Variants in METTL15 observed in about 807,000 individuals in gnomAD.
The protein encoded by METTL15 is 12S rRNA N(4)-cytidine methyltransferase METTL15.
A neutral mutation model predicts 38.3 loss-of-function variants in METTL15; 34 were observed. The ratio of observed to expected loss-of-function variants is 0.89; its 90% CI spans 0.68 to 1.18. METTL15 has a LOEUF of 1.18. METTL15 is among the 50% of genes most tolerant of loss of function. METTL15 has a pLI of 0.00. For synonymous variants in METTL15, 162 were observed against 170.9 expected, an observed-to-expected ratio of 0.95 and a Z score of 0.41; for missense variants, 438 against 498.4, an observed-to-expected ratio of 0.88 and a Z score of 1.15.
chr11:28,426,259 C>G (rs1025023929), intron 6 of METTL15, among the ~76,000 whole-genome samples: 2 of 152,188 alleles, frequency 1.3e-5, no homozygotes, highest in Non-Finnish European at 2.9e-5. Context: ...CCATCCATGT[C>G]CCTGCAAAGG....
intron 6 of METTL15, among the ~76,000 whole-genome samples, chr11:28,449,641 A>G (rs1438801614): frequency 3.3e-5 from 5 of 152,096 alleles, no homozygotes; most frequent in Non-Finnish European, 5.9e-5. Flanking sequence ...GTCACAGGCT[A>G]GCTAGCCTGT....
At chr11:28,162,177 T>A (rs539623131) in intron 3 of METTL15, among the ~76,000 whole-genome samples, 1 of 151,404 alleles carries the variant, frequency 6.6e-6, no homozygotes, top group East Asian at 1.9e-4. Context: ...AGTAGTAGAG[T>A]TTGGATAGAG....
intron 3 of METTL15, chr11:28,163,679 ACCC>A: frequency 2.6e-6 from 1 of 384,720 alleles, no homozygotes; most frequent in Non-Finnish European, 4.6e-6. Context: ...AATGGCTTAT[ACCC>A]TGAGAACTTA....
At chr11:28,154,894 A>C (rs1239952408) in intron 3 of METTL15, among the ~76,000 whole-genome samples, 2 of 152,152 alleles carry the variant, frequency 1.3e-5, no homozygotes, top group Non-Finnish European at 2.9e-5. Context: ...TCTCAGTATA[A>C]GATGATTTTA....
At chr11:28,480,897 C>T (rs929834870) in intron 6 of METTL15, among the ~76,000 whole-genome samples, 3 of 152,172 alleles carry the variant, frequency 2.0e-5, no homozygotes, top group South Asian at 2.1e-4. Context: ...ATCTTGGCTC[C>T]TGAGGAGATC....
intron 3 of METTL15, among the ~76,000 whole-genome samples, chr11:28,344,655 G>T (rs1849982036): frequency 6.6e-6 from 1 of 152,158 alleles, no homozygotes; most frequent in Admixed American, 6.5e-5. Context: ...CTGTCTAAGA[G>T]AATCTCAATT....
chr11:28,368,685 A>G (rs541143663), intron 5 of METTL15, among the ~76,000 whole-genome samples: 3 of 152,324 alleles, frequency 2.0e-5, no homozygotes, highest in South Asian at 4.1e-4. Flanking sequence ...TCATTCTACT[A>G]TAAAGATGCA....
chr11:28,427,401 T>C (rs890476710), intron 6 of METTL15, among the ~76,000 whole-genome samples: 20 of 152,188 alleles, frequency 1.3e-4, no homozygotes, highest in African/African-American at 4.8e-4. Flanking sequence ...TGTTTAGGAT[T>C]GTCTTGGCTC....
intron 3 of METTL15, among the ~76,000 whole-genome samples, chr11:28,209,290 G>A (rs1047191111): frequency 6.6e-6 from 1 of 151,926 alleles, no homozygotes; most frequent in Non-Finnish European, 1.5e-5. Flanking sequence ...CCATGACAAG[G>A]AAGTAGTTTA....
rs11030348 is a variant in METTL15 at position 28,481,007 on chromosome 11, G to C, written c.*425-45471G>C. Reference sequence around the variant, plus strand: ...GAAGGTAATGTTTAGGCAGGAAGAAGAGAGAGAAAGAATAACGTATTATTT... The same window carrying C: ...GAAGGTAATGTTTAGGCAGGAAGAACAGAGAGAAAGAATAACGTATTATTT... On this transcript the variant is annotated intron_variant and NMD_transcript_variant, in intron 6 of 7. Transcript: ENST00000532947. 6.9e-3 allele frequency among the ~76,000 whole-genome samples: 1,049 copies of C among 152,292 alleles called. 6 individuals carry two copies. Among genetic ancestry groups the C allele is most frequent in the African/African-American group, 0.024 (980 of 41,560 alleles).
intron 4 of METTL15, among the ~76,000 whole-genome samples, chr11:28,239,003 T>C (rs897211012): frequency 2.0e-5 from 3 of 152,200 alleles, no homozygotes; most frequent in Non-Finnish European, 4.4e-5. Context: ...AAACTCTTCA[T>C]GTGTGCCTTC....
intron 5 of METTL15, among the ~76,000 whole-genome samples, chr11:28,397,619 G>A (rs1428985790): frequency 6.6e-6 from 1 of 151,924 alleles, no homozygotes; most frequent in Admixed American, 6.6e-5. Context: ...GGAGAAATAG[G>A]AACACTTTTA....
At chr11:28,347,209 A>T (rs114973550) in intron 3 of METTL15, among the ~76,000 whole-genome samples, 4 of 152,146 alleles carry the variant, frequency 2.6e-5, no homozygotes, top group Non-Finnish European at 5.9e-5. Flanking sequence ...CTGCACTTTG[A>T]AGTGCAGTCT....
intron 4 of METTL15, among the ~76,000 whole-genome samples, chr11:28,215,273 G>T (rs747082513): frequency 2.0e-5 from 3 of 152,142 alleles, no homozygotes; most frequent in Non-Finnish European, 2.9e-5. Flanking sequence ...AGTGGGGGAA[G>T]TTAGATTAAT....
At chr11:28,256,487 G>T (rs1854975369) in intron 4 of METTL15, among the ~76,000 whole-genome samples, 1 of 151,904 alleles carries the variant, frequency 6.6e-6, no homozygotes, top group Non-Finnish European at 1.5e-5. Context: ...CAATTTATTG[G>T]CATATAGTCA....
At chr11:28,262,256 C>G (rs1027401559) in intron 4 of METTL15, among the ~76,000 whole-genome samples, 1 of 151,770 alleles carries the variant, frequency 6.6e-6, no homozygotes, top group African/African-American at 2.4e-5. Flanking sequence ...TGTGAACTGA[C>G]TATGCAATAA....
At chr11:28,151,765 GT>G (rs1850097782) in intron 3 of METTL15, among the ~76,000 whole-genome samples, 1 of 151,978 alleles carries the variant, frequency 6.6e-6, no homozygotes, top group Non-Finnish European at 1.5e-5. Context: ...TTCAATAACA[GT>G]TTATTGCATT....
At position 28,330,436 on chromosome 11, in the gene METTL15, A is replaced by G. The variant is rs1849777289; in HGVS notation, c.819A>G (p.Leu273=). Residue 273 remains leucine, a synonymous_variant, in exon 7 of 7, where the codon TTA becomes TTG. Coordinates refer to ENST00000407364, the MANE Select transcript of METTL15 (RefSeq NM_001113528.2). The stretch of plus-strand genomic sequence containing the variant: ...CTGCTATTTATACACGGAAAGACTT[A>G]CTACAGCGATCTACCCATATTGCCA... ...PPSAIYTRKD[L]LQRSTHIATK... is the part of the protein sequence containing the mutation. 1.9e-6 allele frequency: 3 copies of G among 1,550,830 alleles called. No individual in the cohort carries two copies. The highest frequency in any genetic ancestry group is 2.6e-6 in the Non-Finnish European group (3 of 1,146,774).
chr11:28,440,678 T>C (rs897729066), intron 6 of METTL15, among the ~76,000 whole-genome samples: 2 of 152,212 alleles, frequency 1.3e-5, no homozygotes, highest in Non-Finnish European at 2.9e-5. Context: ...CATTGCCTGG[T>C]ACACAACAAA....
Sources: gnomAD v4.1 joint callset for allele counts (sites outside exome capture counted in the v4.1 genomes callset) on GRCh38, gnomAD v4.1.1 for gene constraint, MANE v1.5 for transcripts, NCBI Gene and HGNC (gene_info 2026-07-23, HGNC 2026-07-21) for gene names.